Variants in GRIP1 observed in about 807,000 individuals in gnomAD.
The protein encoded by GRIP1 is glutamate receptor-interacting protein 1.
A neutral mutation model predicts 129.9 loss-of-function variants in GRIP1; 45 were observed. That is an observed-to-expected ratio of 0.35 (90% CI 0.27 to 0.44). The LOEUF (loss-of-function observed/expected upper bound fraction) is 0.44, where lower values mean the gene tolerates loss of function less well. Ranked by LOEUF, GRIP1 falls within the 20% of genes least tolerant of loss-of-function variation. GRIP1 has a pLI of 1.00. For synonymous variants in GRIP1, 530 were observed against 520.8 expected (o/e 1.02, Z -0.24); for missense variants, 1,196 against 1,396.8 (o/e 0.86, Z 2.29).
At chr12:66,916,598 T>G (rs2041126344) in intron 1 of GRIP1, among the ~76,000 whole-genome samples, 1 of 152,178 alleles carries the variant, frequency 6.6e-6, no homozygotes, top group Non-Finnish European at 1.5e-5. Context: ...TTTTTTTAAA[T>G]GCAAAATGTA....
chr12:66,594,376 C>T (rs2063964125), intron 2 of GRIP1, among the ~76,000 whole-genome samples: 1 of 152,208 alleles, frequency 6.6e-6, no homozygotes, highest in African/African-American at 2.4e-5. Flanking sequence ...CTTGTCCAAT[C>T]CACAACCCAT....
chr12:66,658,924 C>CA (rs71436019), intron 1 of GRIP1, among the ~76,000 whole-genome samples: 9,940 of 133,808 alleles, frequency 0.074, 1,063 homozygotes, highest in African/African-American at 0.24. Context: ...ATCTTGTCTC[C>CA]AAAAAAAAAA....
chr12:67,047,892 T>G (rs1285378485), intron 1 of GRIP1, among the ~76,000 whole-genome samples: 2 of 152,194 alleles, frequency 1.3e-5, no homozygotes, highest in African/African-American at 4.8e-5. Flanking sequence ...TCAGCACACC[T>G]TGTGAAAGCA....
intron 1 of GRIP1, among the ~76,000 whole-genome samples, chr12:66,859,734 G>A (rs1004517503): frequency 6.6e-6 from 1 of 151,904 alleles, no homozygotes; most frequent in African/African-American, 2.4e-5. Context: ...TGTCAATCTG[G>A]GCAATTCCTA....
chr12:66,348,803 A>C lies in GRIP1; in HGVS notation c.*216T>G, dbSNP rs2054092440. The stretch of plus-strand genomic sequence containing the variant: ...TCTCTACCGTTGGGACTGGCAGGGC[A>C]TTGCCCACCATATACCATAGTGGTC... On this transcript the variant is annotated 3_prime_UTR_variant, in exon 25 of 25. Coordinates refer to ENST00000359742, the MANE Select transcript of GRIP1 (RefSeq NM_001366722.1). The C allele has an allele frequency of 1.7e-6, 1 of 578,584 alleles. No individual in the cohort carries two copies. The highest frequency in any genetic ancestry group is 1.9e-5 in the African/African-American group (1 of 53,452). 35.8% of individuals were successfully genotyped at this position (578,584 alleles called of 1,614,324 possible). A position where few individuals can be genotyped will look rare whatever the true frequency, so the allele number is the denominator to read the frequency against.
chr12:66,808,495 T>C (rs2039041526), upstream of GRIP1, among the ~76,000 whole-genome samples: 1 of 152,088 alleles, frequency 6.6e-6, no homozygotes. Flanking sequence ...GTTTGTTTGT[T>C]TGAGACGGGT....
At chr12:66,910,937 A>G (rs2041019078) in intron 1 of GRIP1, among the ~76,000 whole-genome samples, 1 of 152,210 alleles carries the variant, frequency 6.6e-6, no homozygotes, top group African/African-American at 2.4e-5. Context: ...TACAACATGA[A>G]GAAAACATTT....
chr12:66,631,511 A>C (rs1421631114), intron 1 of GRIP1, among the ~76,000 whole-genome samples: 1 of 152,238 alleles, frequency 6.6e-6, no homozygotes, highest in Non-Finnish European at 1.5e-5. Flanking sequence ...TGTTTCATTG[A>C]GTATAATAGC....
intron 1 of GRIP1, among the ~76,000 whole-genome samples, chr12:66,724,719 C>G (rs1331373432): frequency 6.6e-6 from 1 of 152,132 alleles, no homozygotes; most frequent in Non-Finnish European, 1.5e-5. Flanking sequence ...ATAAATAAAG[C>G]AACTCCCACT....
At chr12:66,972,733 T>C (rs2042092383) in intron 1 of GRIP1, among the ~76,000 whole-genome samples, 1 of 152,212 alleles carries the variant, frequency 6.6e-6, no homozygotes, top group African/African-American at 2.4e-5. Context: ...CTATTGTTCA[T>C]ATGGTATATT....
In GRIP1 at chr12:66,374,637, A is replaced by T. The variant is rs947063199; in HGVS notation, c.2778+2380T>A. Among the ~76,000 whole-genome samples, 14 of 152,362 alleles carry T rather than the reference A, an allele frequency of 9.2e-5. No individual in the cohort carries two copies. In the East Asian group the frequency reaches 2.5e-3, roughly 27 times the overall value. On this transcript the variant is annotated intron_variant, in intron 22 of 24. Transcript: ENST00000359742. ...AATATTCATTTTTCATGAGAATGAC[A>T]GGACACATGTTGGAAGTAAAACAAT...
At chr12:66,903,320 A>G (rs1163324948) in intron 1 of GRIP1, among the ~76,000 whole-genome samples, 1 of 149,612 alleles carries the variant, frequency 6.7e-6, no homozygotes, top group Non-Finnish European at 1.5e-5. Context: ...TGTAAGTTTA[A>G]AAGTCTGTGT....
intron 1 of GRIP1, among the ~76,000 whole-genome samples, chr12:66,659,537 C>CTTGAGGATGTGAATG (rs1310346293): frequency 2.0e-5 from 3 of 152,150 alleles, no homozygotes; most frequent in Non-Finnish European, 4.4e-5. Context: ...TCACATAATC[C>CTTGAGGATGTGAATG]TTGAGGATGT....
intron 1 of GRIP1, among the ~76,000 whole-genome samples, chr12:66,736,346 A>ATTTTTTTTTTTTTTTTTTTTTTT (rs547706592): frequency 1.5e-5 from 1 of 67,024 alleles, no homozygotes; most frequent in Non-Finnish European, 2.7e-5. Flanking sequence ...TGCCTGGCTA[A>ATTTTTTTTTTTTTTTTTTTTTTT]TTTTTTTTTT....
At chr12:66,351,028 C>T (rs1442505332) in intron 24 of GRIP1, among the ~76,000 whole-genome samples, 2 of 152,174 alleles carry the variant, frequency 1.3e-5, no homozygotes, top group Non-Finnish European at 2.9e-5. Context: ...AGGTAAGTAA[C>T]TTGTCCATAG....
chr12:66,500,797 A>G (rs956891359), intron 7 of GRIP1, among the ~76,000 whole-genome samples: 9 of 152,164 alleles, frequency 5.9e-5, no homozygotes, highest in Non-Finnish European at 1.3e-4. Flanking sequence ...TCCATTTCCT[A>G]TTTTACTGCT....
At chr12:66,587,406 C>T (rs1440474447) in intron 2 of GRIP1, among the ~76,000 whole-genome samples, 1 of 152,258 alleles carries the variant, frequency 6.6e-6, no homozygotes, top group East Asian at 1.9e-4. Context: ...CCCACACTCT[C>T]TACTGTTTAC....
chr12:66,616,498 C>G (rs1334797900), intron 1 of GRIP1, among the ~76,000 whole-genome samples: 2 of 152,106 alleles, frequency 1.3e-5, no homozygotes, highest in African/African-American at 4.8e-5. Context: ...ATAATGGTAA[C>G]AGTCTAAGTT....
intron 1 of GRIP1, among the ~76,000 whole-genome samples, chr12:66,827,615 C>CT (rs1448219177): frequency 1.3e-5 from 2 of 152,098 alleles, no homozygotes; most frequent in African/African-American, 4.8e-5. Context: ...GAGACAGGTG[C>CT]TATGCAGGCC....
Sources: gnomAD v4.1 joint callset for allele counts (sites outside exome capture counted in the v4.1 genomes callset) on GRCh38, gnomAD v4.1.1 for gene constraint, MANE v1.5 for transcripts, NCBI Gene and HGNC (gene_info 2026-07-23, HGNC 2026-07-21) for gene names.